TMEM117: variants seen among roughly 807,000 people sequenced by gnomAD.
TMEM117 encodes the protein transmembrane protein 117.
TMEM117 carries 27 observed loss-of-function variants against 52.4 expected under a neutral mutation model. The ratio of observed to expected loss-of-function variants is 0.51; its 90% CI spans 0.38 to 0.71. TMEM117 has a LOEUF of 0.71. TMEM117 is among the 30% of genes least tolerant of loss of function. The probability of loss-of-function intolerance (pLI) is 0.00; values close to 1 mark genes in which losing one functional copy is unlikely to be tolerated. For synonymous variants in TMEM117, 215 were observed against 206.3 expected, an observed-to-expected ratio of 1.04 and a Z score of -0.36; for missense variants, 556 against 630.5, an observed-to-expected ratio of 0.88 and a Z score of 1.26.
intron 5 of TMEM117, among the ~76,000 whole-genome samples, chr12:44,297,604 G>T: frequency 6.6e-6 from 1 of 152,126 alleles, no homozygotes; most frequent in East Asian, 1.9e-4. Flanking sequence ...ATCCTTGTGG[G>T]AAATGCATTT....
intron 2 of TMEM117, 110 bp downstream of exon 2, chr12:43,845,038 C>T (rs961503787): frequency 7.8e-7 from 1 of 1,278,816 alleles, no homozygotes; most frequent in Non-Finnish European, 1.1e-6. Context: ...TTTAGTTTGT[C>T]CTCCTGCCTT....
intron 6 of TMEM117, among the ~76,000 whole-genome samples, chr12:44,310,931 C>T (rs1950966309): frequency 6.6e-6 from 1 of 152,082 alleles, no homozygotes; most frequent in African/African-American, 2.4e-5. Context: ...TCTCAGCTCT[C>T]ATGTAACTCT....
intron 5 of TMEM117, among the ~76,000 whole-genome samples, chr12:44,270,827 A>G (rs1224047651): frequency 6.6e-6 from 1 of 152,062 alleles, no homozygotes; most frequent in East Asian, 1.9e-4. Context: ...AATCATAAAG[A>G]GTTGCTGGAT....
intron 3 of TMEM117, among the ~76,000 whole-genome samples, chr12:44,081,816 C>CTT (rs1947485702): frequency 4.6e-5 from 7 of 151,910 alleles, no homozygotes; most frequent in Admixed American, 3.3e-4. Context: ...AAGCATGGTG[C>CTT]CCCACAATTC....
rs147186370 is a variant in TMEM117 at position 43,888,543 on chromosome 12, CTTTTTTTT to C, written c.277+43630_277+43637del. Among the ~76,000 whole-genome samples the C allele has an allele frequency of 4.3e-5, 4 of 92,178 alleles. No individual in the cohort carries two copies. The South Asian group carries it at 1.5e-3, about 35-fold the overall frequency. 60.5% of individuals were successfully genotyped at this position (92,178 alleles called of 152,430 possible). A position where few individuals can be genotyped will look rare whatever the true frequency, so the allele number is the denominator to read the frequency against. ...GTGTACTTTTGTGCACATTAGTTTT[CTTTTTTTT>C]TTTTTTTTTTTTTTGAGATGGAGTC... On this transcript the variant is annotated intron_variant, in intron 2 of 7. Transcript: ENST00000266534.
intron 3 of TMEM117, among the ~76,000 whole-genome samples, chr12:44,123,240 TG>T (rs202230291): frequency 0.011 from 1,526 of 143,086 alleles, 10 homozygotes; most frequent in African/African-American, 0.02. Context: ...TACTTTTTAA[TG>T]GGGTTTTTTT....
chr12:44,010,619 A>G (rs1224576206), intron 3 of TMEM117, among the ~76,000 whole-genome samples: 2 of 152,134 alleles, frequency 1.3e-5, no homozygotes, highest in African/African-American at 4.8e-5. Context: ...ATTATTTTAT[A>G]TGATTTTATA....
intron 5 of TMEM117, among the ~76,000 whole-genome samples, chr12:44,266,144 T>G (rs1950374869): frequency 6.6e-6 from 1 of 152,176 alleles, no homozygotes; most frequent in African/African-American, 2.4e-5. Flanking sequence ...ATGGTAAACC[T>G]ATAACATTTT....
intron 2 of TMEM117, among the ~76,000 whole-genome samples, chr12:43,874,790 G>A (rs1361010495): frequency 6.6e-6 from 1 of 152,184 alleles, no homozygotes; most frequent in Admixed American, 6.5e-5. Flanking sequence ...GTTTGTATCA[G>A]TTGAATTAAT....
rs12317183 is a variant in TMEM117, at chr12:44,199,853, C to T, written c.511-11437C>T. ...TACTTAGCAGCCGGGCTTGGTGGCT[C>T]ACGCCTGTAATACCAGCACATTGGG... On this transcript the variant is annotated intron_variant, in intron 4 of 7. Coordinates refer to ENST00000266534, the MANE Select transcript of TMEM117 (RefSeq NM_032256.3). Among the ~76,000 whole-genome samples, 1,225 of 152,230 alleles carry T rather than the reference C, an allele frequency of 8.0e-3. 23 individuals carry two copies. Among genetic ancestry groups the T allele is most frequent in the African/African-American group, 0.027 (1,141 of 41,536 alleles).
intron 2 of TMEM117, among the ~76,000 whole-genome samples, chr12:43,867,293 A>C (rs1375519881): frequency 6.6e-6 from 1 of 152,192 alleles, no homozygotes; most frequent in Non-Finnish European, 1.5e-5. Flanking sequence ...TAAGTTAAAA[A>C]GGCATGTTTC....
chr12:43,800,232 T>C, the TMEM117 span, among the ~76,000 whole-genome samples: 1 of 152,234 alleles, frequency 6.6e-6, no homozygotes, highest in Admixed American at 6.5e-5. Context: ...ATATCACTTG[T>C]CAATGTCAAA....
intron 7 of TMEM117, among the ~76,000 whole-genome samples, chr12:44,384,894 T>G (rs1395267819): frequency 6.6e-6 from 1 of 152,164 alleles, no homozygotes. Context: ...ACACAACATC[T>G]CATTTTATCC....
At chr12:43,914,670 G>T (rs1459028789) in intron 2 of TMEM117, among the ~76,000 whole-genome samples, 1 of 152,098 alleles carries the variant, frequency 6.6e-6, no homozygotes, top group Non-Finnish European at 1.5e-5. Flanking sequence ...AGATTTCATG[G>T]TAGCCGTGCC....
chr12:43,978,807 A>T (rs1945714257), intron 3 of TMEM117, among the ~76,000 whole-genome samples: 1 of 152,074 alleles, frequency 6.6e-6, no homozygotes, highest in Admixed American at 6.6e-5. Flanking sequence ...TTTACTACCT[A>T]GCTGGATATA....
At chr12:43,842,784 A>C (rs1037137717) in intron 1 of TMEM117, among the ~76,000 whole-genome samples, 2 of 152,108 alleles carry the variant, frequency 1.3e-5, no homozygotes, top group African/African-American at 4.8e-5. Context: ...TTAGAAGTAG[A>C]TATATTACAG....
intron 2 of TMEM117, among the ~76,000 whole-genome samples, chr12:43,918,298 T>C (rs770230669): frequency 1.3e-5 from 2 of 152,260 alleles, no homozygotes; most frequent in Non-Finnish European, 2.9e-5. Context: ...TTAAAGTTGA[T>C]GGCTATTTTT....
intron 7 of TMEM117, among the ~76,000 whole-genome samples, chr12:44,384,054 G>A (rs1033576819): frequency 6.6e-6 from 1 of 152,122 alleles, no homozygotes; most frequent in Non-Finnish European, 1.5e-5. Flanking sequence ...GAACACAGGG[G>A]TTGGGTTGCC....
chr12:43,910,306 A>G (rs1427398402), intron 2 of TMEM117, among the ~76,000 whole-genome samples: 5 of 149,858 alleles, frequency 3.3e-5, no homozygotes, highest in Non-Finnish European at 5.9e-5. Flanking sequence ...CCTTCATGCT[A>G]AAAACTCTCA....
Sources: allele counts gnomAD v4.1 joint callset (sites outside exome capture counted in the v4.1 genomes callset), GRCh38; gene constraint gnomAD v4.1.1; transcripts MANE v1.5; gene names NCBI Gene and HGNC (gene_info 2026-07-23, HGNC 2026-07-21).